BMPER: variants seen among roughly 807,000 people sequenced by gnomAD.
BMPER encodes BMP binding endothelial regulator, also known as BMP-binding endothelial regulator protein.
Under a neutral mutation model 87.3 loss-of-function variants are expected in BMPER, and 45 were observed. The observed-to-expected ratio is 0.52, with a 90% CI of 0.41 to 0.66. BMPER has a LOEUF of 0.66. Among genes scored for constraint, BMPER ranks in the 30% least tolerant of loss-of-function variants. The pLI, the probability that BMPER is intolerant of heterozygous loss-of-function variation, is 0.00. For synonymous variants in BMPER, 326 were observed against 316.2 expected, an observed-to-expected ratio of 1.03 and a Z score of -0.33; for missense variants, 784 against 867.5, an observed-to-expected ratio of 0.90 and a Z score of 1.21.
intron 14 of BMPER, among the ~76,000 whole-genome samples, chr7:34,146,754 G>T (rs866829895): frequency 6.6e-6 from 1 of 152,064 alleles, no homozygotes; most frequent in Non-Finnish European, 1.5e-5. Flanking sequence ...TCATTGCCCC[G>T]TCCTTAATCA....
At chr7:34,046,931 T>G (rs951187700) in intron 7 of BMPER, among the ~76,000 whole-genome samples, 2 of 151,752 alleles carry the variant, frequency 1.3e-5, no homozygotes, top group African/African-American at 4.8e-5. Flanking sequence ...ACTTTATTTT[T>G]TTTTTTTTCT....
intron 11 of BMPER, among the ~76,000 whole-genome samples, chr7:34,075,487 T>C (rs183826121): frequency 3.2e-4 from 48 of 152,342 alleles, no homozygotes; most frequent in South Asian, 2.7e-3. Flanking sequence ...TTTGTATCCA[T>C]ATGTTGAAAA....
At chr7:34,002,304 A>C (rs1481757438) in intron 6 of BMPER, among the ~76,000 whole-genome samples, 1 of 151,798 alleles carries the variant, frequency 6.6e-6, no homozygotes, top group African/African-American at 2.4e-5. Context: ...TACAGTATTC[A>C]ATAAGTTACA....
intron 2 of BMPER, among the ~76,000 whole-genome samples, chr7:33,914,359 G>C (rs1160810544): frequency 1.3e-5 from 2 of 152,202 alleles, no homozygotes; most frequent in African/African-American, 4.8e-5. Context: ...TAGTCTTGCA[G>C]AAGTGTTTTG....
intron 6 of BMPER, among the ~76,000 whole-genome samples, chr7:34,044,029 A>G (rs969199408): frequency 2.0e-5 from 3 of 152,164 alleles, no homozygotes; most frequent in African/African-American, 7.2e-5. Context: ...AAGGGCCTGG[A>G]CTTTCTTTGG....
At chr7:34,130,493 A>T (rs1262594925) in intron 13 of BMPER, among the ~76,000 whole-genome samples, 1 of 152,160 alleles carries the variant, frequency 6.6e-6, no homozygotes, top group Non-Finnish European at 1.5e-5. Flanking sequence ...AACCCTGTAA[A>T]TCTCATTGTC....
At chr7:34,119,036 A>G (rs1342655148) in intron 13 of BMPER, among the ~76,000 whole-genome samples, 1 of 150,360 alleles carries the variant, frequency 6.7e-6, no homozygotes, top group East Asian at 1.9e-4. Context: ...ACACACACAC[A>G]CGCACTCGAT....
intron 14 of BMPER, among the ~76,000 whole-genome samples, chr7:34,145,733 G>A (rs1183054047): frequency 6.6e-6 from 1 of 152,172 alleles, no homozygotes; most frequent in Non-Finnish European, 1.5e-5. Flanking sequence ...AGCTGTGGTA[G>A]TGCTGTTGTT....
intron 13 of BMPER, among the ~76,000 whole-genome samples, chr7:34,090,295 G>C (rs1304013520): frequency 6.6e-6 from 1 of 152,196 alleles, no homozygotes; most frequent in Non-Finnish European, 1.5e-5. Context: ...AAGTTGTTTA[G>C]ATTATATTTG....
intron 6 of BMPER, among the ~76,000 whole-genome samples, chr7:33,991,922 C>T (rs1418714569): frequency 1.2e-4 from 16 of 139,008 alleles, no homozygotes; most frequent in Middle Eastern, 3.5e-3. Flanking sequence ...TGTAGTTGAG[C>T]GGTTTTGAGT....
chr7:34,037,258 G>A (rs1391926706), intron 6 of BMPER, among the ~76,000 whole-genome samples: 3 of 152,122 alleles, frequency 2.0e-5, no homozygotes, highest in African/African-American at 4.8e-5. Flanking sequence ...TTTCCATCAT[G>A]TATTTATTTA....
intron 2 of BMPER, among the ~76,000 whole-genome samples, chr7:33,929,508 G>T (rs528175510): frequency 2.2e-4 from 33 of 152,254 alleles, no homozygotes; most frequent in African/African-American, 7.7e-4. Context: ...AAACCATAAA[G>T]CACCAAGGTT....
chr7:34,070,971 A>G (rs1195029890), intron 11 of BMPER, among the ~76,000 whole-genome samples: 2 of 152,094 alleles, frequency 1.3e-5, no homozygotes, highest in Non-Finnish European at 2.9e-5. Flanking sequence ...TATTTAGACA[A>G]CTTGGGTGTC....
chr7:34,000,174 T>C (rs190459790), intron 6 of BMPER, among the ~76,000 whole-genome samples: 20 of 152,320 alleles, frequency 1.3e-4, no homozygotes, highest in African/African-American at 4.3e-4. Context: ...GACCAAATTA[T>C]GTTCAAAAAG....
intron 6 of BMPER, among the ~76,000 whole-genome samples, chr7:34,029,475 TG>T (rs1205574854): frequency 1.3e-5 from 2 of 152,054 alleles, no homozygotes; most frequent in African/African-American, 4.8e-5. Flanking sequence ...CCCAGCTTGT[TG>T]TCCTTGTCTA....
At chr7:34,045,818 T>C (rs1799144877) in intron 6 of BMPER, among the ~76,000 whole-genome samples, 1 of 152,050 alleles carries the variant, frequency 6.6e-6, no homozygotes, top group African/African-American at 2.4e-5. Context: ...CTACAGAACC[T>C]ATAGAAAGAT....
At chr7:34,012,136 A>G (rs192799087) in intron 6 of BMPER, among the ~76,000 whole-genome samples, 1 of 152,082 alleles carries the variant, frequency 6.6e-6, no homozygotes, top group Non-Finnish European at 1.5e-5. Context: ...TGTACAAAGG[A>G]GAATAGGGAA....
At chr7:33,937,203 G>T in intron 2 of BMPER, 86 bp from the exon 3 acceptor site, 1 of 1,403,850 alleles carries the variant, frequency 7.1e-7, no homozygotes, top group Non-Finnish European at 1.0e-6. Context: ...ATAAGAGTGG[G>T]GCTCGGGAAA....
intron 8 of BMPER, among the ~76,000 whole-genome samples, chr7:34,052,420 A>G (rs1788170512): frequency 6.6e-6 from 1 of 152,202 alleles, no homozygotes; most frequent in Non-Finnish European, 1.5e-5. Context: ...TGTTTATTGT[A>G]TCATGTCTTA....
Sources: allele counts gnomAD v4.1 joint callset (sites outside exome capture counted in the v4.1 genomes callset), GRCh38; gene constraint gnomAD v4.1.1; transcripts MANE v1.5; gene names NCBI Gene and HGNC (gene_info 2026-07-23, HGNC 2026-07-21).